USP43: variants seen among roughly 807,000 people sequenced by gnomAD.
USP43 encodes the protein ubiquitin specific peptidase 43.
USP43 carries 33 observed loss-of-function variants against 90.7 expected under a neutral mutation model. The ratio of observed to expected loss-of-function variants is 0.36; its 90% CI spans 0.28 to 0.49. The LOEUF (loss-of-function observed/expected upper bound fraction) is 0.49, where lower values mean the gene tolerates loss of function less well. Ranked by LOEUF, USP43 falls within the 20% of genes least tolerant of loss-of-function variation. USP43 has a pLI of 0.98. For missense variants in USP43, 1,274 were observed against 1,476.4 expected (o/e 0.86, Z 2.25); for synonymous variants, 598 against 615.8 (o/e 0.97, Z 0.43).
intron 13 of USP43, among the ~76,000 whole-genome samples, 185 bp downstream of exon 13, chr17:9,710,299 A>G (rs1323162924): frequency 6.6e-6 from 1 of 152,102 alleles, no homozygotes; most frequent in African/African-American, 2.4e-5. Flanking sequence ...TGTGGGATGG[A>G]TGGATTATAA....
In USP43 at chr17:9,686,833, C is replaced by A. The variant is rs1176869127; in HGVS notation, c.1277C>A (p.Ala426Asp). Reference protein sequence around the residue: ...GPPFLIREDRAVSWAQLQQSI... With the variant: ...GPPFLIREDRDVSWAQLQQSI... ...CCCTTCCTGATAAGGGAAGACAGAG[C>A]TGTTTCCTGGGCCCAGCTCCAGCAG... The change falls in exon 8 of 15, where the codon GCT becomes GAT. Residue 426 changes from alanine to aspartate, a missense_variant. Physicochemically the swap from Ala to Asp is moderately radical, Grantham distance 126. Coordinates refer to ENST00000285199, the MANE Select transcript of USP43 (RefSeq NM_153210.5). This position sits in a 1 kb window ranked among gnomAD's most constrained non-coding sequence, Gnocchi z 5.5. 4 of 1,613,810 alleles carry A rather than the reference C, an allele frequency of 2.5e-6. No individual in the cohort carries two copies. Among genetic ancestry groups the A allele is most frequent in the Non-Finnish European group, 3.4e-6 (4 of 1,179,884 alleles).
chr17:9,657,718 TCAC>T (rs1912362750), intron 2 of USP43, among the ~76,000 whole-genome samples: 1 of 128,622 alleles, frequency 7.8e-6, no homozygotes, highest in South Asian at 2.7e-4. Context: ...TCAGGAGAAC[TCAC>T]TCACAATCAT....
chr17:9,702,191 G>A (rs138610006), intron 12 of USP43, among the ~76,000 whole-genome samples: 15 of 151,208 alleles, frequency 9.9e-5, no homozygotes, highest in Non-Finnish European at 1.6e-4. Flanking sequence ...TGAGACCCCC[G>A]TCTCTACAAA....
At chr17:9,724,496 G>A (rs1456759245) in intron 14 of USP43, among the ~76,000 whole-genome samples, 1 of 151,930 alleles carries the variant, frequency 6.6e-6, no homozygotes, top group Non-Finnish European at 1.5e-5. Context: ...TCTGGCCAAC[G>A]TGGTGAAACC....
chr17:9,676,895 G>A lies in USP43; in HGVS notation c.969+14G>A, dbSNP rs1913822180. On this transcript the variant is annotated intron_variant, in intron 5 of 14. Coordinates refer to ENST00000285199, the MANE Select transcript of USP43 (RefSeq NM_153210.5). ...CCTGCAGATGAGGTGTGATAGAATT[G>A]CACTGGGGCCTGGTCATTGGATGAT... 2 of 1,611,752 alleles carry A rather than the reference G, an allele frequency of 1.2e-6. No homozygotes were observed. The highest frequency in any genetic ancestry group is 1.7e-6 in the Non-Finnish European group (2 of 1,178,786).
At chr17:9,657,499 C>CAAA (rs113467408) in intron 2 of USP43, among the ~76,000 whole-genome samples, 6 of 138,010 alleles carry the variant, frequency 4.3e-5, no homozygotes, top group South Asian at 4.6e-4. Context: ...AACTCCGTCT[C>CAAA]AAAAAAAAAA....
chr17:9,713,660 A>G (rs986573093), intron 14 of USP43, among the ~76,000 whole-genome samples: 3 of 152,190 alleles, frequency 2.0e-5, no homozygotes, highest in African/African-American at 7.2e-5. Flanking sequence ...TTGAACTAGC[A>G]TGTTAGATAA....
chr17:9,681,179 A>AATATATAGTATATAAT lies in USP43; in HGVS notation c.1105+818_1105+819insTAGTATATAATATATA. Among the ~76,000 whole-genome samples the AATATATAGTATATAAT allele has an allele frequency of 1.6e-3, 94 of 57,720 alleles. 18 individuals carry two copies. Among genetic ancestry groups the AATATATAGTATATAAT allele is most frequent in the Non-Finnish European group, 2.2e-3 (78 of 35,192 alleles). The allele number at this position is 57,720 out of a possible 152,430, so 37.9% of individuals were successfully genotyped here. ...ATATACTATATAATATATACTATAT[A>AATATATAGTATATAAT]ATATACTATATAATATATACTATAT... On this transcript the variant is annotated intron_variant, in intron 6 of 14. Transcript: ENST00000285199.
intron 12 of USP43, among the ~76,000 whole-genome samples, chr17:9,708,703 C>T (rs111587504): frequency 3.9e-4 from 59 of 152,310 alleles, no homozygotes; most frequent in African/African-American, 1.3e-3. Flanking sequence ...TCCTGGCTCA[C>T]TGCAACCTCT....
rs1184883523 is a variant in USP43, at chr17:9,681,462, TTATATATATATATATATATATATA to T, written c.1105+1120_1105+1143del. On this transcript the variant is annotated intron_variant, in intron 6 of 14. Coordinates refer to ENST00000285199, the MANE Select transcript of USP43 (RefSeq NM_153210.5). ...TATAGATAAATATATATAAAATATA[TTATATATATATATATATATATATA>T]TATATATATATATATATATATATTT... Among the ~76,000 whole-genome samples the T allele has an allele frequency of 3.3e-3, 61 of 18,582 alleles. 2 individuals carry two copies. The highest frequency in any genetic ancestry group is 0.045 in the Middle Eastern group (1 of 22). 12.2% of individuals were successfully genotyped at this position (18,582 alleles called of 152,430 possible). A position where few individuals can be genotyped will look rare whatever the true frequency, so the allele number is the denominator to read the frequency against.
At chr17:9,684,834 C>G (rs1325199696) in intron 7 of USP43, among the ~76,000 whole-genome samples, 1 of 150,048 alleles carries the variant, frequency 6.7e-6, no homozygotes, top group East Asian at 2.0e-4. Flanking sequence ...TAGCAAGATA[C>G]TATTCTTAAC....
chr17:9,645,392 G>GGGGGCGGCACCAGGCAGGGGTA (rs1178047885), upstream of USP43: 1 of 270,454 alleles, frequency 3.7e-6, no homozygotes, highest in Non-Finnish European at 6.8e-6. The surrounding 1 kb of genome is among the most constrained non-coding windows in gnomAD (Gnocchi z 6.8). Flanking sequence ...TCAGCGCAGC[G>GGGGGCGGCACCAGGCAGGGGTA]GGGGCGGCAC....
At chr17:9,696,708 G>A (rs968218213) in intron 9 of USP43, among the ~76,000 whole-genome samples, 6 of 152,154 alleles carry the variant, frequency 3.9e-5, no homozygotes, top group African/African-American at 7.2e-5. Flanking sequence ...TCTAATCTAC[G>A]TGTTATAAAC....
chr17:9,713,904 C>A (rs1916344402), intron 14 of USP43, among the ~76,000 whole-genome samples: 1 of 152,144 alleles, frequency 6.6e-6, no homozygotes, highest in East Asian at 1.9e-4. Context: ...TGTAAGACAC[C>A]ATTCCCCAGG....
intron 9 of USP43, among the ~76,000 whole-genome samples, chr17:9,696,698 T>C (rs1474329867): frequency 6.6e-6 from 1 of 152,208 alleles, no homozygotes; most frequent in Non-Finnish European, 1.5e-5. Flanking sequence ...CCTGACCCCT[T>C]CTAATCTACG....
Position 9,729,101 on chromosome 17 carries a change from T to TA in USP43, c.*120dup, listed in dbSNP as rs375424134. 2.3e-4 allele frequency: 263 copies of TA among 1,134,948 alleles called. No individual in the cohort carries two copies. The highest frequency in any genetic ancestry group is 2.7e-4 in the South Asian group (10 of 36,742). The allele number at this position is 1,134,948 out of a possible 1,614,324, so 70.3% of individuals were successfully genotyped here. A position where few individuals can be genotyped will look rare whatever the true frequency, so the allele number is the denominator to read the frequency against. On this transcript the variant is annotated 3_prime_UTR_variant, in exon 15 of 15. Coordinates refer to ENST00000285199, the MANE Select transcript of USP43 (RefSeq NM_153210.5). ...AGGAAACCCGTTGTCTTGTAATCTC[T>TA]AAAAAAAAATTTTTTTTTTTTTGTG...
chr17:9,683,669 A>G (rs982300532), intron 7 of USP43, among the ~76,000 whole-genome samples: 3 of 152,174 alleles, frequency 2.0e-5, no homozygotes, highest in African/African-American at 7.2e-5. Flanking sequence ...ATTTAATTGC[A>G]TATTCTTCTG....
chr17:9,714,636 T>A (rs1461683043), intron 14 of USP43, among the ~76,000 whole-genome samples: 3 of 136,222 alleles, frequency 2.2e-5, no homozygotes, highest in South Asian at 2.3e-4. Flanking sequence ...TGAGCTTAGA[T>A]CACACCACTG....
At position 9,676,866 on chromosome 17, in the gene USP43, C is replaced by A. The variant is rs1266430810; in HGVS notation, c.954C>A (p.Gly318=). 3.7e-6 allele frequency: 6 copies of A among 1,613,504 alleles called. No homozygotes were observed. The East Asian group carries it at 1.3e-4, about 36-fold the overall frequency. Residue 318 remains glycine (G), a synonymous_variant, in exon 5 of 15, where the codon GGC becomes GGA. Coordinates refer to ENST00000285199, the MANE Select transcript of USP43 (RefSeq NM_153210.5). ...ALRKMVAEEG[G]VPADEVILVE... is the part of the protein sequence containing the mutation. ...GGAAGATGGTTGCAGAGGAAGGAGG[C>A]GTCCCTGCAGATGAGGTGTGATAGA...
Sources: allele counts gnomAD v4.1 joint callset (sites outside exome capture counted in the v4.1 genomes callset), GRCh38; gene constraint gnomAD v4.1.1; non-coding constraint Gnocchi (gnomAD v3.1); transcripts MANE v1.5; gene names NCBI Gene and HGNC (gene_info 2026-07-23, HGNC 2026-07-21).